The following DMBT1 variants were observed in gnomAD, a reference collection of about 807,000 sequenced individuals.
DMBT1 encodes deleted in malignant brain tumors 1.
DMBT1 carries 198 observed loss-of-function variants against 252.9 expected under a neutral mutation model. That is an observed-to-expected ratio of 0.78 (90% CI 0.70 to 0.88). The LOEUF (loss-of-function observed/expected upper bound fraction) is 0.88, where lower values mean the gene tolerates loss of function less well. Among genes scored for constraint, DMBT1 ranks in the 40% least tolerant of loss-of-function variants. The probability of loss-of-function intolerance (pLI) is 0.00; values close to 1 mark genes in which losing one functional copy is unlikely to be tolerated. For synonymous variants in DMBT1, 990 were observed against 942.7 expected, an observed-to-expected ratio of 1.05 and a Z score of -0.92; for missense variants, 2,432 against 2,404.7, an observed-to-expected ratio of 1.01 and a Z score of -0.24.
rs536826635 is a variant in DMBT1 at position 122,566,941 on chromosome 10, G to A, written c.91+945G>A. On this transcript the variant is annotated intron_variant, in intron 2 of 55. Transcript: ENST00000338354. Reference sequence around the variant, plus strand: ...CTGGTGAGTAGCAGGGCAGAGATTTGAGGCTAGGATGGGTGCCTCCTCTTA... The same window carrying A: ...CTGGTGAGTAGCAGGGCAGAGATTTAAGGCTAGGATGGGTGCCTCCTCTTA... Among the ~76,000 whole-genome samples, 40 of 152,338 alleles carry A rather than the reference G, an allele frequency of 2.6e-4. No individual in the cohort carries two copies. The South Asian group carries it at 3.1e-3, about 12-fold the overall frequency.
chr10:122,574,199 C>A (rs894483237), intron 6 of DMBT1, among the ~76,000 whole-genome samples: 1 of 152,200 alleles, frequency 6.6e-6, no homozygotes, highest in Non-Finnish European at 1.5e-5. Context: ...TATTATGCCA[C>A]CCTTGTTTCT....
chr10:122,597,067 T>TGA lies in DMBT1; in HGVS notation c.2917+14_2917+15insAG, dbSNP rs368988389. 51,367 of 538,466 alleles carry TGA rather than the reference T, an allele frequency of 0.095. 4,214 individuals carry two copies. Among genetic ancestry groups the TGA allele is most frequent in the African/African-American group, 0.32 (11,043 of 35,034 alleles). 33.4% of individuals were successfully genotyped at this position (538,466 alleles called of 1,614,324 possible). ...ACGCCCAGTCCAGGTGAGTCCCCAG[T>TGA]GTCCTTCCTTGGGATGTCCCTTCTC... is the stretch of plus-strand genomic sequence containing the variant. On this transcript the variant is annotated intron_variant, in intron 24 of 55. Coordinates refer to ENST00000338354, the MANE Select transcript of DMBT1 (RefSeq NM_001377530.1).
chr10:122,574,790 G>A lies in DMBT1; in HGVS notation c.283+1028G>A, dbSNP rs541573440. Among the ~76,000 whole-genome samples the A allele has an allele frequency of 4.6e-5, 7 of 152,346 alleles. No homozygotes were observed. The South Asian group carries it at 1.5e-3, about 32-fold the overall frequency. Reference sequence around the variant, plus strand: ...GTATAACTGGTCCAGCCAGGGATGGGAGTGAGGGGGCAGAGGTATTTGGCT... The same window carrying A: ...GTATAACTGGTCCAGCCAGGGATGGAAGTGAGGGGGCAGAGGTATTTGGCT... On this transcript the variant is annotated intron_variant, in intron 6 of 55. Transcript: ENST00000338354.
At chr10:122,622,233 G>C (rs2098076997) in intron 44 of DMBT1, among the ~76,000 whole-genome samples, 1 of 152,154 alleles carries the variant, frequency 6.6e-6, no homozygotes, top group African/African-American at 2.4e-5. Context: ...GCAGGTCTGG[G>C]TGAAACTCCT....
In DMBT1 at chr10:122,643,194, C is replaced by T; in HGVS notation, c.7425C>T (p.Ala2475=). The T allele has an allele frequency of 6.2e-7, 1 of 1,613,984 alleles. No homozygotes were observed. Among genetic ancestry groups the T allele is most frequent in the Non-Finnish European group, 8.5e-7 (1 of 1,179,868 alleles). ...GCATTGCCCGCTTCCGGTTCAGGGC[C>T]TTCCACTTCCTGAACCGCTTCCCCT... The part of the protein sequence containing the change: ...SLRIARFRFR[A]FHFLNRFPSV... Residue 2475 remains alanine, a synonymous_variant, in exon 56 of 56, where the codon GCC becomes GCT. Transcript: ENST00000338354.
rs775806024 is a variant in DMBT1 at position 122,625,976 on chromosome 10, C to T, written c.5668+11C>T. 1.2e-6 allele frequency: 2 copies of T among 1,605,392 alleles called. No individual in the cohort carries two copies. The highest frequency in any genetic ancestry group is 1.7e-6 in the Non-Finnish European group (2 of 1,172,044). On this transcript the variant is annotated intron_variant, in intron 46 of 55. Coordinates refer to ENST00000338354, the MANE Select transcript of DMBT1 (RefSeq NM_001377530.1). Reference sequence around the variant, plus strand: ...CTACAACCACTGCAAGTAGGTATCACATTTTCTACCTGAACCATAGGTCAT... The same window carrying T: ...CTACAACCACTGCAAGTAGGTATCATATTTTCTACCTGAACCATAGGTCAT...
chr10:122,575,409 A>G (rs1045248465), intron 6 of DMBT1, among the ~76,000 whole-genome samples: 8 of 152,214 alleles, frequency 5.3e-5, no homozygotes, highest in Non-Finnish European at 1.2e-4. Flanking sequence ...TCCCAAATTT[A>G]CACAGCAAGA....
intron 44 of DMBT1, among the ~76,000 whole-genome samples, chr10:122,624,222 C>T (rs138530271): frequency 1.3e-5 from 2 of 152,190 alleles, no homozygotes; most frequent in African/African-American, 4.8e-5. Flanking sequence ...ATGCTGATGG[C>T]TCCTGCACTT....
intron 16 of DMBT1, among the ~76,000 whole-genome samples, chr10:122,587,911 T>G (rs991094276): frequency 1.3e-5 from 2 of 148,292 alleles, no homozygotes; most frequent in African/African-American, 4.9e-5. Flanking sequence ...TATCCCACAC[T>G]TCAGAGGTAG....
chr10:122,574,187 T>G (rs2097691548), intron 6 of DMBT1, among the ~76,000 whole-genome samples: 1 of 152,216 alleles, frequency 6.6e-6, no homozygotes, highest in South Asian at 2.1e-4. Context: ...TCTTTAAGCC[T>G]ATATTATGCC....
chr10:122,618,578 A>C (rs1384073047), intron 41 of DMBT1, among the ~76,000 whole-genome samples: 1 of 152,172 alleles, frequency 6.6e-6, no homozygotes, highest in Non-Finnish European at 1.5e-5. Context: ...CCCCATCCTG[A>C]GGCAGTGCAA....
At position 122,640,263 on chromosome 10, in the gene DMBT1, A is replaced by G. The variant is rs1844280537; in HGVS notation, c.7166A>G (p.Tyr2389Cys). Residue 2389 changes from tyrosine to cysteine, a missense_variant, in exon 55 of 56, where the codon TAT becomes TGT. Transcript: ENST00000338354. The stretch of plus-strand genomic sequence containing the variant: ...AATTTTGACGTGAACATTTCCTTTT[A>G]TACTTCCTCATCTTTCTTGTATCCT... Reference protein sequence around the residue: ...YGNFDVNISFYTSSSFLYPVT... With the variant: ...YGNFDVNISFCTSSSFLYPVT... The G allele has an allele frequency of 3.1e-6, 5 of 1,613,944 alleles. No individual in the cohort carries two copies. The highest frequency in any genetic ancestry group is 4.2e-6 in the Non-Finnish European group (5 of 1,179,886).
intron 1 of DMBT1, 79 bp from the exon 2 acceptor site, chr10:122,565,888 G>A (rs1591125372): frequency 1.4e-6 from 2 of 1,445,082 alleles, no homozygotes; most frequent in East Asian, 4.7e-5. Context: ...ATTGTACGGT[G>A]AAGCTAAAGC....
intron 2 of DMBT1, among the ~76,000 whole-genome samples, 165 bp downstream of exon 2, chr10:122,566,161 G>C (rs138894351): frequency 7.5e-4 from 114 of 152,236 alleles, no homozygotes; most frequent in African/African-American, 2.6e-3. Flanking sequence ...AAGACCTGGG[G>C]CATGTCTCAA....
chr10:122,597,289 C>T (rs1200591540), intron 24 of DMBT1, among the ~76,000 whole-genome samples: 1 of 152,172 alleles, frequency 6.6e-6, no homozygotes, highest in East Asian at 1.9e-4. Context: ...CATACTGTCC[C>T]AATGGCCAAC....
Position 122,635,899 on chromosome 10 carries a change from T to C in DMBT1, c.6549-92T>C, listed in dbSNP as rs2098223217. 2.2e-6 allele frequency: 3 copies of C among 1,363,338 alleles called. No homozygotes were observed. The East Asian group carries it at 6.9e-5, about 31-fold the overall frequency. The allele number at this position is 1,363,338 out of a possible 1,614,324, so 84.5% of individuals were successfully genotyped here. On this transcript the variant is annotated intron_variant, in intron 52 of 55. Coordinates refer to ENST00000338354, the MANE Select transcript of DMBT1 (RefSeq NM_001377530.1). ...CATCGATGAACTTTGTCAGAGTTTC[T>C]GGCACAGAGGTGTGACCCCACCCTG...
chr10:122,585,174 G>T, intron 14 of DMBT1, 97 bp from the exon 15 acceptor site: 1 of 1,444,948 alleles, frequency 6.9e-7, no homozygotes, highest in Non-Finnish European at 9.6e-7. Context: ...CAGAAGTGGG[G>T]TAGTTTTCAT....
At chr10:122,574,034 G>C (rs1355756518) in intron 6 of DMBT1, among the ~76,000 whole-genome samples, 15 of 152,156 alleles carry the variant, frequency 9.9e-5, no homozygotes, top group Non-Finnish European at 1.8e-4. Flanking sequence ...TTTGCTTGTT[G>C]CTCACTCCTG....
At chr10:122,576,276 C>G in intron 6 of DMBT1, 123 bp from the exon 7 acceptor site, 7 of 1,402,496 alleles carry the variant, frequency 5.0e-6, no homozygotes, top group Non-Finnish European at 4.8e-6. Flanking sequence ...CTGTTAAAGC[C>G]CAGCCCAATT....
Sources: gnomAD v4.1 joint callset for allele counts (sites outside exome capture counted in the v4.1 genomes callset) on GRCh38, gnomAD v4.1.1 for gene constraint, MANE v1.5 for transcripts, NCBI Gene and HGNC (gene_info 2026-07-23, HGNC 2026-07-21) for gene names.